Variants in TES observed in about 807,000 individuals in gnomAD.
TES encodes testin.
In TES, 41 loss-of-function variants were observed where a neutral mutation model predicts 48.2. The ratio of observed to expected loss-of-function variants is 0.85; its 90% confidence interval spans 0.66 to 1.10. The LOEUF is 1.10. Among genes scored for constraint, TES ranks in the 50% least tolerant of loss-of-function variants. TES has a pLI of 0.00. For missense variants in TES, 463 were observed against 515.1 expected (o/e 0.90, Z 0.98); for synonymous variants, 162 against 174.9 (o/e 0.93, Z 0.58).
chr7:116,257,327 G>T lies in TES; in HGVS notation c.1111G>T (p.Glu371Ter). The change falls in exon 7 of 7, where the codon GAA becomes TAA. Residue 371 changes from glutamate to a stop codon, truncating the protein, a stop_gained. Transcript: ENST00000358204. LOFTEE classifies it high-confidence loss of function. The stretch of plus-strand genomic sequence containing the variant: ...AGGATGCCACAATGCCATCGACCCA[G>T]AAGTGCAGCGGGTGACCTATAACAA... ...CQGCHNAIDP[E>*]VQRVTYNNFS... 1 of 1,613,412 alleles carries T rather than the reference G, an allele frequency of 6.2e-7. No homozygotes were observed. Among genetic ancestry groups the T allele is most frequent in the Non-Finnish European group, 8.5e-7 (1 of 1,179,760 alleles).
At chr7:116,231,357 ACT>A in intron 1 of TES, among the ~76,000 whole-genome samples, 1 of 152,334 alleles carries the variant, frequency 6.6e-6, no homozygotes, top group East Asian at 1.9e-4. Context: ...AAAGTGTCAA[ACT>A]CTGTAAAAGT....
intron 6 of TES, 53 bp from the exon 7 acceptor site, chr7:116,257,241 T>C (rs1031645024): frequency 3.4e-6 from 5 of 1,479,166 alleles, no homozygotes; most frequent in African/African-American, 2.8e-5. Context: ...GATGAAAATG[T>C]TACCATTACA....
intron 1 of TES, among the ~76,000 whole-genome samples, chr7:116,213,925 A>G (rs1329323261): frequency 6.6e-6 from 1 of 152,174 alleles, no homozygotes; most frequent in Non-Finnish European, 1.5e-5. Flanking sequence ...ATCATGGCCA[A>G]CAGCCAGCTG....
chr7:116,220,598 A>G (rs1260273918), intron 1 of TES, among the ~76,000 whole-genome samples: 1 of 152,218 alleles, frequency 6.6e-6, no homozygotes, highest in Middle Eastern at 3.2e-3. Flanking sequence ...ACAGTGCCTG[A>G]CATATAGCAA....
chr7:116,229,321 T>C (rs1799667317), intron 1 of TES, among the ~76,000 whole-genome samples: 1 of 152,004 alleles, frequency 6.6e-6, no homozygotes, highest in African/African-American at 2.4e-5. Context: ...GATTTGGATG[T>C]CCAAGAATAG....
At chr7:116,251,569 G>A in intron 4 of TES, 191 bp from the exon 5 acceptor site, 1 of 568,658 alleles carries the variant, frequency 1.8e-6, no homozygotes. Context: ...TGTAGTCCCA[G>A]CTACTCGGGA....
At position 116,258,709 on chromosome 7, in the gene TES, A is replaced by G. The variant is rs779655214; in HGVS notation, c.*1227A>G. The stretch of plus-strand genomic sequence containing the variant: ...TATTCTTCCCTGTGTACTTCTACAC[A>G]TAGCTATGCACTATGAAAATTAAAT... On this transcript the variant is annotated 3_prime_UTR_variant, in exon 7 of 7. Transcript: ENST00000358204. 3.3e-5 allele frequency: 5 copies of G among 152,660 alleles called. No individual in the cohort carries two copies. Among genetic ancestry groups the G allele is most frequent in the Non-Finnish European group, 5.9e-5 (4 of 68,030 alleles). The allele number at this position is 152,660 out of a possible 1,614,324, so 9.5% of individuals were successfully genotyped here.
intron 1 of TES, among the ~76,000 whole-genome samples, chr7:116,221,668 C>T (rs1290150138): frequency 1.3e-5 from 2 of 152,184 alleles, no homozygotes; most frequent in Admixed American, 1.3e-4. Context: ...GAATTACTCT[C>T]ATATTCCTCT....
Position 116,249,001 on chromosome 7 carries a change from C to A in TES, c.114-19C>A. ...ATTAGGTACAATTAATCATTTTCTA[C>A]TTATTTTCAAAATTATAGAAAAATA... On this transcript the variant is annotated intron_variant, in intron 2 of 6. Transcript: ENST00000358204. The A allele has an allele frequency of 6.4e-7, 1 of 1,553,812 alleles. No individual in the cohort carries two copies. The highest frequency in any genetic ancestry group is 8.7e-7 in the Non-Finnish European group (1 of 1,152,762).
intron 6 of TES, among the ~76,000 whole-genome samples, chr7:116,255,852 A>C (rs1278168101): frequency 1.3e-5 from 2 of 152,212 alleles, no homozygotes; most frequent in Non-Finnish European, 2.9e-5. Context: ...ATGTATTGAA[A>C]CATCACATAG....
chr7:116,257,427 T>C lies in TES; in HGVS notation c.1211T>C (p.Met404Thr). 6.2e-7 allele frequency: 1 copy of C among 1,614,028 alleles called. No homozygotes were observed. Among genetic ancestry groups the C allele is most frequent in the Non-Finnish European group, 8.5e-7 (1 of 1,179,984 alleles). ...CSKCLIGQKF[M>T]PVEGMVFCSV... ...AAATGCCTCATTGGGCAGAAGTTCA[T>C]GCCAGTAGAAGGGATGGTTTTCTGT... Residue 404 changes from methionine to threonine, a missense_variant, in exon 7 of 7, where the codon ATG (methionine) becomes ACG (threonine). Transcript: ENST00000358204.
At chr7:116,218,539 T>TA (rs1284966164) in intron 1 of TES, among the ~76,000 whole-genome samples, 1 of 152,158 alleles carries the variant, frequency 6.6e-6, no homozygotes, top group African/African-American at 2.4e-5. Context: ...CTTTATGAGA[T>TA]ACTGGCCTAC....
intron 1 of TES, among the ~76,000 whole-genome samples, chr7:116,216,001 A>G (rs1388157228): frequency 1.3e-5 from 2 of 152,186 alleles, no homozygotes; most frequent in African/African-American, 4.8e-5. Flanking sequence ...GGAAACACCA[A>G]AATGATCAGA....
intron 1 of TES, chr7:116,223,040 A>G (rs1232505160): frequency 1.0e-6 from 1 of 973,504 alleles, no homozygotes; most frequent in Non-Finnish European, 1.2e-6. Context: ...AGCATTTCAA[A>G]TGACTTCCTT....
rs1217480671 is a variant in TES, at chr7:116,258,186, C to A, written c.*704C>A. On this transcript the variant is annotated 3_prime_UTR_variant, in exon 7 of 7. Coordinates refer to ENST00000358204, the MANE Select transcript of TES (RefSeq NM_015641.4). Reference sequence around the variant, plus strand: ...ATAACAGTATCCACACTTTTTAGTTCTTTATTTTTTTTTTTTTATTTTGAG... The same window carrying A: ...ATAACAGTATCCACACTTTTTAGTTATTTATTTTTTTTTTTTTATTTTGAG... 1 of 121,072 alleles carries A rather than the reference C, an allele frequency of 8.3e-6. No homozygotes were observed. The highest frequency in any genetic ancestry group is 1.7e-5 in the Non-Finnish European group (1 of 58,048). The allele number at this position is 121,072 out of a possible 1,614,324, so 7.5% of individuals were successfully genotyped here.
At chr7:116,214,788 T>C (rs1418343326) in intron 1 of TES, among the ~76,000 whole-genome samples, 1 of 152,162 alleles carries the variant, frequency 6.6e-6, no homozygotes, top group Non-Finnish European at 1.5e-5. Flanking sequence ...TGCTTGTGCA[T>C]GCCCATACTC....
chr7:116,252,510 C>A, intron 6 of TES, 34 bp downstream of exon 6: 1 of 1,614,080 alleles, frequency 6.2e-7, no homozygotes, highest in Non-Finnish European at 8.5e-7. Flanking sequence ...GTTGCCTCAG[C>A]CTGCTTTAGG....
At chr7:116,217,728 A>T (rs1274554650) in intron 1 of TES, 2 of 511,924 alleles carry the variant, frequency 3.9e-6, no homozygotes, top group South Asian at 2.9e-5. Context: ...TTGAGTAAAT[A>T]TCCATGTTTA....
intron 2 of TES, among the ~76,000 whole-genome samples, chr7:116,244,728 A>T (rs149613667): frequency 0.044 from 6,693 of 152,080 alleles, 223 homozygotes; most frequent in East Asian, 0.15. Context: ...CTTCCACACT[A>T]CCCTAGCAGT....
Sources: allele counts gnomAD v4.1 joint callset (sites outside exome capture counted in the v4.1 genomes callset), GRCh38; gene constraint gnomAD v4.1.1; transcripts MANE v1.5; gene names NCBI Gene and HGNC (gene_info 2026-07-23, HGNC 2026-07-21).